MEF2A: variants seen among roughly 807,000 people sequenced by gnomAD.
The protein encoded by MEF2A is myocyte enhancer factor 2A.
In MEF2A, 28 loss-of-function variants were observed where a neutral mutation model predicts 55.8. The ratio of observed to expected loss-of-function variants is 0.50; its 90% confidence interval spans 0.37 to 0.69. The LOEUF (loss-of-function observed/expected upper bound fraction) is 0.69. MEF2A is among the 30% of genes least tolerant of loss of function. MEF2A has a pLI of 0.00. For synonymous variants in MEF2A, 239 were observed against 227.1 expected, an observed-to-expected ratio of 1.05 and a Z score of -0.47; for missense variants, 528 against 626.2, an observed-to-expected ratio of 0.84 and a Z score of 1.67.
Position 99,700,809 on chromosome 15 carries a change from C to T in MEF2A, c.859-2553C>T, listed in dbSNP as rs534205398. 1.8e-3 allele frequency among the ~76,000 whole-genome samples: 269 copies of T among 151,870 alleles called. 1 individual carries two copies. The highest frequency in any genetic ancestry group is 3.2e-3 in the Non-Finnish European group (217 of 67,976). ...GCCTTTCAAAAGAGTTTCCAGTGGC[C>T]AAAACTAGAACAATTTGAGTAACAA... On this transcript the variant is annotated intron_variant, in intron 8 of 11. Transcript: ENST00000557942.
At chr15:99,690,622 T>C (rs1399115622) in intron 8 of MEF2A, 194 bp downstream of exon 8, 7 of 713,484 alleles carry the variant, frequency 9.8e-6, no homozygotes, top group Non-Finnish European at 1.5e-5. Flanking sequence ...GGAAATTTGC[T>C]TAACAGTTAC....
chr15:99,692,328 C>G (rs974764736), intron 8 of MEF2A, among the ~76,000 whole-genome samples: 4 of 152,132 alleles, frequency 2.6e-5, no homozygotes, highest in African/African-American at 9.7e-5. Context: ...AAAACAAGTA[C>G]TTTTTTATCT....
chr15:99,575,244 CAT>C (rs568275537), intron 1 of MEF2A, among the ~76,000 whole-genome samples: 113 of 152,190 alleles, frequency 7.4e-4, no homozygotes, highest in Middle Eastern at 3.4e-3. Flanking sequence ...AAATTTTTCC[CAT>C]AGTGTCAATA....
Position 99,712,834 on chromosome 15 carries a change from C to G in MEF2A, c.*63C>G. 6.7e-7 allele frequency: 1 copy of G among 1,486,460 alleles called. No individual in the cohort carries two copies. The highest frequency in any genetic ancestry group is 9.1e-7 in the Non-Finnish European group (1 of 1,103,224). 92.1% of individuals were successfully genotyped at this position (1,486,460 alleles called of 1,614,324 possible). On this transcript the variant is annotated 3_prime_UTR_variant, in exon 12 of 12. Transcript: ENST00000557942. This position sits in a 1 kb window ranked among gnomAD's most constrained non-coding sequence, Gnocchi z 4.1. ...AGTGACCTGCCCTACATATCTAAAT[C>G]GGTAAATAAGGACATGAGTTAAATA... is the stretch of plus-strand genomic sequence containing the variant.
At chr15:99,627,419 CAAAAAAAAAAAAAAAAAAA>C (rs139658538) in intron 2 of MEF2A, among the ~76,000 whole-genome samples, 2 of 43,046 alleles carry the variant, frequency 4.6e-5, no homozygotes, top group Non-Finnish European at 7.5e-5. Flanking sequence ...GACTTTATCT[CAAAAAAAAAAAAAAAAAAA>C]AAAAAAAAAA....
chr15:99,653,914 G>C (rs1301833913), intron 4 of MEF2A, among the ~76,000 whole-genome samples: 4 of 152,048 alleles, frequency 2.6e-5, no homozygotes, highest in Non-Finnish European at 4.4e-5. Context: ...GTTATTTCCA[G>C]AATGTATCTC....
intron 5 of MEF2A, among the ~76,000 whole-genome samples, chr15:99,673,600 A>G (rs1404494990): frequency 1.3e-5 from 2 of 152,148 alleles, no homozygotes; most frequent in African/African-American, 4.8e-5. Context: ...TATCGTGGTT[A>G]ACAAGCATAT....
intron 4 of MEF2A, among the ~76,000 whole-genome samples, chr15:99,650,067 A>G (rs2046595086): frequency 6.6e-6 from 1 of 152,158 alleles, no homozygotes; most frequent in African/African-American, 2.4e-5. Context: ...TATCTGGTGC[A>G]CTATTCCCAA....
intron 2 of MEF2A, among the ~76,000 whole-genome samples, chr15:99,604,334 ATTCTT>A (rs1397096680): frequency 6.6e-6 from 1 of 151,824 alleles, no homozygotes; most frequent in Non-Finnish European, 1.5e-5. Flanking sequence ...TTTGTTTTTC[ATTCTT>A]TTCTTTCTGT....
At chr15:99,583,060 G>A (rs988256409) in intron 1 of MEF2A, among the ~76,000 whole-genome samples, 7 of 152,078 alleles carry the variant, frequency 4.6e-5, no homozygotes, top group Non-Finnish European at 1.0e-4. Context: ...GGAGTGTCAC[G>A]TTACTTGTAA....
intron 4 of MEF2A, among the ~76,000 whole-genome samples, chr15:99,657,785 C>A (rs772703064): frequency 2.0e-4 from 30 of 151,942 alleles, no homozygotes; most frequent in Non-Finnish European, 4.1e-4. Flanking sequence ...CAAAGGATTC[C>A]AAGGAGAGTT....
At chr15:99,579,220 G>A (rs984313143) in intron 1 of MEF2A, among the ~76,000 whole-genome samples, 3 of 151,214 alleles carry the variant, frequency 2.0e-5, no homozygotes, top group Non-Finnish European at 2.9e-5. Flanking sequence ...TCTGATTCAC[G>A]GTAGTTTTCA....
At chr15:99,665,480 T>C (rs10468175) in intron 4 of MEF2A, among the ~76,000 whole-genome samples, 53,147 of 151,908 alleles carry the variant, frequency 0.35, 11,002 homozygotes, top group Middle Eastern at 0.49. Context: ...ATAAAAACTC[T>C]AGAAGAAAAT....
At chr15:99,628,403 T>C (rs945808006) in intron 2 of MEF2A, among the ~76,000 whole-genome samples, 4 of 152,208 alleles carry the variant, frequency 2.6e-5, no homozygotes, top group African/African-American at 9.6e-5. Context: ...TTATCTTCTT[T>C]TAAAAATTGA....
chr15:99,632,288 G>A (rs1467325705), intron 2 of MEF2A, among the ~76,000 whole-genome samples: 1 of 152,170 alleles, frequency 6.6e-6, no homozygotes, highest in African/African-American at 2.4e-5. Flanking sequence ...ATAAGGAGGT[G>A]TTCATTAAAT....
At chr15:99,580,749 A>G (rs540498491) in intron 1 of MEF2A, among the ~76,000 whole-genome samples, 1 of 152,340 alleles carries the variant, frequency 6.6e-6, no homozygotes, top group East Asian at 1.9e-4. Context: ...TCCAATGTCA[A>G]TCTAACATAA....
intron 2 of MEF2A, among the ~76,000 whole-genome samples, chr15:99,601,471 G>A (rs913861427): frequency 1.1e-4 from 16 of 150,506 alleles, no homozygotes; most frequent in African/African-American, 3.9e-4. Flanking sequence ...TCTGATCTTA[G>A]GTGGAAAACT....
At chr15:99,567,629 G>C (rs1482646026) in intron 1 of MEF2A, among the ~76,000 whole-genome samples, 3 of 128,342 alleles carry the variant, frequency 2.3e-5, no homozygotes, top group South Asian at 2.4e-4. Flanking sequence ...TGTATGTACT[G>C]TGTGTGTGTG....
intron 1 of MEF2A, among the ~76,000 whole-genome samples, chr15:99,590,671 C>T (rs1026690318): frequency 4.6e-5 from 7 of 151,064 alleles, no homozygotes; most frequent in South Asian, 2.1e-4. Context: ...TGGTAGTTGC[C>T]GTAGGGTTTT....
Sources: gnomAD v4.1 joint callset for allele counts (sites outside exome capture counted in the v4.1 genomes callset) on GRCh38, gnomAD v4.1.1 for gene constraint, Gnocchi (gnomAD v3.1) non-coding constraint, MANE v1.5 for transcripts, NCBI Gene and HGNC (gene_info 2026-07-23, HGNC 2026-07-21) for gene names.